Variants in TET1 observed in about 807,000 individuals in gnomAD.
TET1 encodes the protein tet methylcytosine dioxygenase 1.
A neutral mutation model predicts 148.7 loss-of-function variants in TET1; 13 were observed. The observed-to-expected ratio is 0.09, with a 90% CI of 0.06 to 0.14. The LOEUF is 0.14. TET1 is among the 10% of genes least tolerant of loss of function. TET1 has a pLI of 1.00. For missense variants in TET1, 2,182 were observed against 2,553.8 expected (o/e 0.85, Z 3.14); for synonymous variants, 907 against 937.2 (o/e 0.97, Z 0.59).
chr10:68,598,649 A>G (rs2054014652), intron 2 of TET1, among the ~76,000 whole-genome samples: 1 of 151,620 alleles, frequency 6.6e-6, no homozygotes, highest in Non-Finnish European at 1.5e-5. Flanking sequence ...CAAGTGTTGC[A>G]GGAAGAGTTG....
chr10:68,626,173 G>A (rs1004248993), intron 3 of TET1, among the ~76,000 whole-genome samples: 2 of 151,168 alleles, frequency 1.3e-5, no homozygotes, highest in African/African-American at 4.8e-5. Flanking sequence ...TTTCTGTATG[G>A]TTGTACTGAC....
At chr10:68,561,858 A>G (rs1484546165) in intron 1 of TET1, among the ~76,000 whole-genome samples, 1 of 152,016 alleles carries the variant, frequency 6.6e-6, no homozygotes, top group South Asian at 2.1e-4. Context: ...GATCCACTAA[A>G]AACTAAAGTG....
At chr10:68,569,857 T>C (rs2053647433) in intron 1 of TET1, among the ~76,000 whole-genome samples, 1 of 151,930 alleles carries the variant, frequency 6.6e-6, no homozygotes, top group Non-Finnish European at 1.5e-5. Context: ...GAAAACCCCA[T>C]GCTTACCTTA....
intron 6 of TET1, among the ~76,000 whole-genome samples, chr10:68,656,541 T>C (rs2055024632): frequency 6.6e-6 from 1 of 152,212 alleles, no homozygotes; most frequent in African/African-American, 2.4e-5. Flanking sequence ...AAATAGATTT[T>C]TTAACAGATT....
chr10:68,586,641 GT>G (rs34588085), intron 2 of TET1, among the ~76,000 whole-genome samples: 27,472 of 141,942 alleles, frequency 0.19, 2,598 homozygotes, highest in South Asian at 0.26. Context: ...CCTCACATCA[GT>G]TTTTTTTTTT....
rs770830999 is a variant in TET1, at chr10:68,574,041, T to C, written c.1703T>C (p.Met568Thr). ...ACAGTGGTGACTATGCCAGTGCCAA[T>C]GGTCAGTACCTCCTCTTCTTCCTAT... ...NTTVVTMPVPMVSTSSSSYTT... is the reference protein window; with the variant it reads ...NTTVVTMPVPTVSTSSSSYTT... The change falls in exon 2 of 12, where the codon ATG becomes ACG. Residue 568 changes from methionine to threonine, a missense_variant. By Grantham distance (81) the Met-to-Thr change is moderately conservative. Coordinates refer to ENST00000373644, the MANE Select transcript of TET1 (RefSeq NM_030625.3). 7 of 1,614,154 alleles carry C rather than the reference T, an allele frequency of 4.3e-6. No individual in the cohort carries two copies. In the East Asian group the frequency reaches 1.6e-4, roughly 36 times the overall value.
At position 68,627,115 on chromosome 10, in the gene TET1, T is replaced by C. The variant is rs941768598; in HGVS notation, c.1969-17583T>C. ...TGTGAAACCCCGTCTGTATTAAAAATACAAGAATTAGGCTGGGCGCAGTGG... is the reference window on the plus strand; with the variant it reads ...TGTGAAACCCCGTCTGTATTAAAAACACAAGAATTAGGCTGGGCGCAGTGG... On this transcript the variant is annotated intron_variant, in intron 3 of 11. Coordinates refer to ENST00000373644, the MANE Select transcript of TET1 (RefSeq NM_030625.3). Among the ~76,000 whole-genome samples, 18 of 149,456 alleles carry C rather than the reference T, an allele frequency of 1.2e-4. 1 individual carries two copies. Among genetic ancestry groups the C allele is most frequent in the Non-Finnish European group, 2.2e-4 (15 of 67,552 alleles).
intron 1 of TET1, among the ~76,000 whole-genome samples, chr10:68,568,880 G>A (rs752278513): frequency 6.6e-6 from 1 of 152,010 alleles, no homozygotes; most frequent in Non-Finnish European, 1.5e-5. Context: ...AAGACCTGTG[G>A]GATCTTGTAG....
At chr10:68,595,961 TACACAC>T (rs781144879) in intron 2 of TET1, among the ~76,000 whole-genome samples, 754 of 36,602 alleles carry the variant, frequency 0.021, 18 homozygotes, top group Non-Finnish European at 0.028. Flanking sequence ...TATATATATA[TACACAC>T]ACACACACAC....
At chr10:68,640,119 G>T (rs897518771) in intron 3 of TET1, among the ~76,000 whole-genome samples, 1 of 151,824 alleles carries the variant, frequency 6.6e-6, no homozygotes, top group Admixed American at 6.6e-5. Flanking sequence ...TAGAACCGGG[G>T]TTTCACCATG....
At chr10:68,615,283 C>CCT (rs905009376) in intron 3 of TET1, among the ~76,000 whole-genome samples, 1 of 151,636 alleles carries the variant, frequency 6.6e-6, no homozygotes, top group Non-Finnish European at 1.5e-5. Flanking sequence ...TCTTTTTTTT[C>CCT]CTCTCTCTCT....
intron 3 of TET1, among the ~76,000 whole-genome samples, chr10:68,610,247 C>T (rs2054187414): frequency 6.6e-6 from 1 of 151,908 alleles, no homozygotes; most frequent in Admixed American, 6.6e-5. Context: ...TGCGCCACTG[C>T]ACTCCAGCCT....
chr10:68,584,732 G>A (rs2053841317), intron 2 of TET1, among the ~76,000 whole-genome samples: 1 of 151,780 alleles, frequency 6.6e-6, no homozygotes, highest in African/African-American at 2.4e-5. Context: ...AACAAAAAAA[G>A]TATACTGTAA....
intron 8 of TET1, chr10:68,675,117 T>A: frequency 2.2e-6 from 1 of 458,010 alleles, no homozygotes; most frequent in Non-Finnish European, 3.7e-6. Flanking sequence ...AAGTTCAGAC[T>A]TATAGTAGTG....
chr10:68,639,383 CT>C (rs757878078), intron 3 of TET1, among the ~76,000 whole-genome samples: 3,644 of 151,930 alleles, frequency 0.024, 51 homozygotes, highest in Non-Finnish European at 0.035. Flanking sequence ...GATCTTGCCA[CT>C]GCACTCCAGC....
At chr10:68,632,943 T>TA (rs2054598060) in intron 3 of TET1, among the ~76,000 whole-genome samples, 1 of 151,626 alleles carries the variant, frequency 6.6e-6, no homozygotes, top group African/African-American at 2.4e-5. Flanking sequence ...TATTTGAATT[T>TA]TAAAAAAAAA....
rs370642678 is a variant in TET1, at chr10:68,645,249, C to T, written c.2520C>T (p.His840=). 8.2e-5 allele frequency: 133 copies of T among 1,613,992 alleles called. No individual in the cohort carries two copies. The highest frequency in any genetic ancestry group is 1.1e-4 in the Non-Finnish European group (129 of 1,179,980). The change falls in exon 4 of 12, where the codon CAC becomes CAT. Residue 840 remains histidine, a synonymous_variant. Transcript: ENST00000373644. ...GCAGTTCCATTCCACATTCTTCACA[C>T]TCCATCATAAATCATCATGCTAGTA... ...FNCSSIPHSS[H]SIINHHASIH... is the part of the protein sequence containing the mutation.
Position 68,572,769 on chromosome 10 carries a change from T to C in TET1, c.431T>C (p.Ile144Thr), listed in dbSNP as rs747232190. Residue 144 changes from isoleucine to threonine, a missense_variant, in exon 2 of 12, where the codon ATA becomes ACA. By Grantham distance (89) the Ile-to-Thr change is moderately conservative. Coordinates refer to ENST00000373644, the MANE Select transcript of TET1 (RefSeq NM_030625.3). The stretch of plus-strand genomic sequence containing the variant: ...AAGCAACATGATTGTGATTATAAGA[T>C]ACTCCCTGCTTTGGGAGTAAAGCAC... ...LEKQHDCDYK[I>T]LPALGVKHSE... 3.7e-6 allele frequency: 6 copies of C among 1,614,088 alleles called. No individual in the cohort carries two copies. Among genetic ancestry groups the C allele is most frequent in the East Asian group, 2.2e-5 (1 of 44,894 alleles).
At chr10:68,662,086 G>A (rs1377305138) in intron 6 of TET1, among the ~76,000 whole-genome samples, 1 of 152,000 alleles carries the variant, frequency 6.6e-6, no homozygotes, top group Non-Finnish European at 1.5e-5. Flanking sequence ...TGTTGGCCAT[G>A]CTGGTCTCAA....
Sources: gnomAD v4.1 joint callset for allele counts (sites outside exome capture counted in the v4.1 genomes callset) on GRCh38, gnomAD v4.1.1 for gene constraint, MANE v1.5 for transcripts, NCBI Gene and HGNC (gene_info 2026-07-23, HGNC 2026-07-21) for gene names.